Variants in USP12 observed in about 807,000 individuals in gnomAD.
USP12 encodes ubiquitin specific peptidase 12.
In USP12, 19 loss-of-function variants were observed where a neutral mutation model predicts 45.5. The ratio of observed to expected loss-of-function variants is 0.42; its 90% CI spans 0.29 to 0.61. The LOEUF is 0.61. Among genes scored for constraint, USP12 ranks in the 20% least tolerant of loss-of-function variants. The pLI, the probability that USP12 is intolerant of heterozygous loss-of-function variation, is 0.22. For synonymous variants in USP12, 149 were observed against 148.8 expected (o/e 1.00, Z -0.01); for missense variants, 242 against 447.7 (o/e 0.54, Z 4.15).
rs1202081418 is a variant in USP12 at position 27,129,246 on chromosome 13, GCA to G, written c.49-12652_49-12651del. Among the ~76,000 whole-genome samples the G allele has an allele frequency of 2.1e-5, 3 of 141,036 alleles. No homozygotes were observed. In the East Asian group the frequency reaches 6.4e-4, roughly 30 times the overall value. 92.5% of individuals were successfully genotyped at this position (141,036 alleles called of 152,430 possible). On this transcript the variant is annotated intron_variant, in intron 1 of 8. Transcript: ENST00000282344. The surrounding 1 kb of genome is among the most constrained non-coding windows in gnomAD (Gnocchi z 4.0). ...ACAGTTAAGTGGAAAGAACAAAGCA[GCA>G]TCTCTGCCAGTCCTGTTTTCTAGAC...
intron 2 of USP12, among the ~76,000 whole-genome samples, chr13:27,109,330 C>T (rs1198797495): frequency 2.0e-5 from 3 of 152,198 alleles, no homozygotes; most frequent in Admixed American, 6.5e-5. Context: ...TTTAATATAT[C>T]TTACCTCCTA....
intron 1 of USP12, among the ~76,000 whole-genome samples, chr13:27,154,364 A>G (rs531505686): frequency 6.6e-6 from 1 of 152,326 alleles, no homozygotes; most frequent in Non-Finnish European, 1.5e-5. Context: ...CTTACTTATC[A>G]AAAGTTGTAA....
At chr13:27,070,649 G>A (rs1057392364) in intron 8 of USP12, among the ~76,000 whole-genome samples, 2 of 151,942 alleles carry the variant, frequency 1.3e-5, no homozygotes, top group African/African-American at 4.8e-5. Context: ...CGCCTCCCGG[G>A]TTCAAGCGCT....
chr13:27,113,889 G>C (rs540024501), intron 2 of USP12, among the ~76,000 whole-genome samples: 53 of 152,130 alleles, frequency 3.5e-4, no homozygotes, highest in Non-Finnish European at 6.0e-4. Flanking sequence ...TTTGCCTAAT[G>C]AACTTTATAA....
chr13:27,143,564 G>A (rs926541495), intron 1 of USP12, among the ~76,000 whole-genome samples: 1 of 152,146 alleles, frequency 6.6e-6, no homozygotes, highest in South Asian at 2.1e-4. Context: ...TTGGTCAACT[G>A]CCAAATCCCT....
At chr13:27,123,932 C>T (rs1446863795) in intron 1 of USP12, among the ~76,000 whole-genome samples, 2 of 151,966 alleles carry the variant, frequency 1.3e-5, no homozygotes, top group African/African-American at 2.4e-5. Context: ...CTTTTCACAC[C>T]CAGAAATCAC....
chr13:27,091,891 C>T (rs1038382783), intron 4 of USP12, among the ~76,000 whole-genome samples: 1 of 152,206 alleles, frequency 6.6e-6, no homozygotes, highest in African/African-American at 2.4e-5. Context: ...ATGAGCTCCT[C>T]CAGGAAGCTG....
intron 2 of USP12, among the ~76,000 whole-genome samples, chr13:27,106,153 G>C (rs577006399): frequency 1.3e-4 from 19 of 151,668 alleles, no homozygotes; most frequent in Admixed American, 5.9e-4. Context: ...AGGTTCTTAG[G>C]TACATCCAAA....
intron 7 of USP12, among the ~76,000 whole-genome samples, chr13:27,074,759 TACAC>T: frequency 6.6e-6 from 1 of 152,270 alleles, no homozygotes; most frequent in African/African-American, 2.4e-5. Flanking sequence ...AAATGATAAA[TACAC>T]ACACAGGTAA....
At chr13:27,165,848 T>C (rs1447702855) in intron 1 of USP12, among the ~76,000 whole-genome samples, 1 of 152,168 alleles carries the variant, frequency 6.6e-6, no homozygotes, top group African/African-American at 2.4e-5. Flanking sequence ...TAATTATGTC[T>C]GATTCTATGC....
intron 2 of USP12, among the ~76,000 whole-genome samples, chr13:27,110,922 C>CT (rs959207075): frequency 2.0e-5 from 3 of 152,070 alleles, no homozygotes; most frequent in African/African-American, 7.2e-5. Flanking sequence ...AAGAGATCAT[C>CT]TCCAAGTATA....
chr13:27,171,358 C>G (rs1279868042), intron 1 of USP12, among the ~76,000 whole-genome samples: 7 of 148,440 alleles, frequency 4.7e-5, no homozygotes, highest in Non-Finnish European at 1.1e-4. Context: ...GCTACCCTCG[C>G]GCCGCCCTGG....
intron 1 of USP12, among the ~76,000 whole-genome samples, chr13:27,157,429 C>T (rs1877891024): frequency 6.6e-6 from 1 of 152,126 alleles, no homozygotes; most frequent in Non-Finnish European, 1.5e-5. Context: ...CTCCCACTTT[C>T]CTTTACCCGC....
chr13:27,093,931 A>T (rs1417699121), intron 4 of USP12, among the ~76,000 whole-genome samples: 2 of 152,250 alleles, frequency 1.3e-5, no homozygotes, highest in East Asian at 3.8e-4. Flanking sequence ...TAATCCAAAC[A>T]GGCTGCATAC....
chr13:27,103,679 A>G (rs1874986956), intron 3 of USP12, among the ~76,000 whole-genome samples: 1 of 144,618 alleles, frequency 6.9e-6, no homozygotes, highest in Admixed American at 7.0e-5. Flanking sequence ...TGGGAGACTG[A>G]GGTGGGTCAT....
intron 1 of USP12, among the ~76,000 whole-genome samples, chr13:27,141,145 A>G (rs1877035512): frequency 6.6e-6 from 1 of 151,432 alleles, no homozygotes; most frequent in Non-Finnish European, 1.5e-5. Context: ...CCTCCCGAGT[A>G]GCTGGGACTA....
At chr13:27,125,497 G>A (rs985510110) in intron 1 of USP12, among the ~76,000 whole-genome samples, 20 of 152,106 alleles carry the variant, frequency 1.3e-4, no homozygotes, top group Non-Finnish European at 2.9e-4. Flanking sequence ...TTCCAAGATG[G>A]CCGAATAGGA....
intron 1 of USP12, among the ~76,000 whole-genome samples, chr13:27,167,181 G>T (rs996887980): frequency 7.2e-5 from 11 of 152,042 alleles, no homozygotes; most frequent in Non-Finnish European, 1.6e-4. Flanking sequence ...GGAATCACTT[G>T]AACCTGGGAG....
At chr13:27,090,219 T>G (rs1331011847) in intron 4 of USP12, 61 bp from the exon 5 acceptor site, 11 of 1,349,040 alleles carry the variant, frequency 8.2e-6, no homozygotes, top group Non-Finnish European at 1.0e-6. Context: ...AGTTCCCAAT[T>G]AACAGAATTA....
Sources: allele counts gnomAD v4.1 joint callset (sites outside exome capture counted in the v4.1 genomes callset), GRCh38; gene constraint gnomAD v4.1.1; non-coding constraint Gnocchi (gnomAD v3.1); transcripts MANE v1.5; gene names NCBI Gene and HGNC (gene_info 2026-07-23, HGNC 2026-07-21).